MAP3K5: variants seen among roughly 807,000 people sequenced by gnomAD.
The protein encoded by MAP3K5 is mitogen-activated protein kinase kinase kinase 5, also known as ASK-1.
In MAP3K5, 56 loss-of-function variants were observed where a neutral mutation model predicts 158.7. The ratio of observed to expected loss-of-function variants is 0.35; its 90% CI spans 0.28 to 0.44. MAP3K5 has a LOEUF of 0.44. MAP3K5 is among the 20% of genes least tolerant of loss of function. The probability of loss-of-function intolerance (pLI) is 1.00; values close to 1 mark genes in which losing one functional copy is unlikely to be tolerated. For synonymous variants in MAP3K5, 579 were observed against 601.7 expected, an observed-to-expected ratio of 0.96 and a Z score of 0.55; for missense variants, 1,294 against 1,674.8, an observed-to-expected ratio of 0.77 and a Z score of 3.97.
At chr6:136,569,715 C>T (rs562134050) in intron 25 of MAP3K5, among the ~76,000 whole-genome samples, 22 of 152,256 alleles carry the variant, frequency 1.4e-4, no homozygotes, top group Admixed American at 5.9e-4. Context: ...TCAGGACCTC[C>T]GGAAGCTCTG....
intron 1 of MAP3K5, among the ~76,000 whole-genome samples, chr6:136,721,515 C>T (rs1053637125): frequency 4.6e-5 from 7 of 151,610 alleles, no homozygotes; most frequent in African/African-American, 1.2e-4. Flanking sequence ...GTCACAAAAA[C>T]GAAATTTAGA....
intron 17 of MAP3K5, among the ~76,000 whole-genome samples, 200 bp downstream of exon 17, chr6:136,612,920 T>C (rs1402784302): frequency 2.6e-5 from 4 of 152,198 alleles, no homozygotes; most frequent in Non-Finnish European, 4.4e-5. Context: ...AGTTAAGCAG[T>C]GTGTTCCTTG....
intron 1 of MAP3K5, among the ~76,000 whole-genome samples, chr6:136,761,720 G>A (rs2114971172): frequency 6.6e-6 from 1 of 152,306 alleles, no homozygotes. Flanking sequence ...ACCTCAAAAG[G>A]CTTTGCTGCT....
chr6:136,679,056 T>A (rs1265711654), intron 7 of MAP3K5, among the ~76,000 whole-genome samples: 7 of 152,230 alleles, frequency 4.6e-5, no homozygotes, highest in African/African-American at 1.7e-4. Context: ...CACTATTTAA[T>A]TCATTATTTC....
rs567569061 is a variant in MAP3K5, at chr6:136,772,291, A to G, written c.448+19419T>C. Among the ~76,000 whole-genome samples the G allele has an allele frequency of 6.6e-5, 10 of 152,292 alleles. No individual in the cohort carries two copies. The South Asian group carries it at 2.1e-3, about 32-fold the overall frequency. ...AGTAATTCTCTAGCATATTAAGTATATGAAATGTTTCTATGCAAATGTGTT... is the reference window on the plus strand; with the variant it reads ...AGTAATTCTCTAGCATATTAAGTATGTGAAATGTTTCTATGCAAATGTGTT... On this transcript the variant is annotated intron_variant, in intron 1 of 29. Coordinates refer to ENST00000359015, the MANE Select transcript of MAP3K5 (RefSeq NM_005923.4).
chr6:136,662,545 C>T (rs1779050123), intron 8 of MAP3K5, among the ~76,000 whole-genome samples: 1 of 151,900 alleles, frequency 6.6e-6, no homozygotes, highest in Non-Finnish European at 1.5e-5. Flanking sequence ...CTTTCTCTCC[C>T]TCTCTCTCTT....
At chr6:136,782,544 C>A (rs1784662102) in intron 1 of MAP3K5, among the ~76,000 whole-genome samples, 1 of 152,052 alleles carries the variant, frequency 6.6e-6, no homozygotes, top group South Asian at 2.1e-4. Flanking sequence ...TTGGAGATTG[C>A]CAGTACAAAG....
At chr6:136,720,737 T>A (rs976503854) in intron 1 of MAP3K5, 148 bp from the exon 2 acceptor site, 2 of 641,022 alleles carry the variant, frequency 3.1e-6, no homozygotes, top group Non-Finnish European at 5.2e-6. Flanking sequence ...AATTTTGAAT[T>A]TGCAGCTCTA....
At chr6:136,707,878 A>T (rs905450918) in intron 2 of MAP3K5, among the ~76,000 whole-genome samples, 2 of 152,266 alleles carry the variant, frequency 1.3e-5, no homozygotes, top group African/African-American at 4.8e-5. Context: ...ACACCCAAAC[A>T]AACAATGAAG....
intron 2 of MAP3K5, among the ~76,000 whole-genome samples, chr6:136,717,107 A>G (rs977108898): frequency 5.9e-5 from 9 of 152,196 alleles, no homozygotes; most frequent in South Asian, 2.1e-4. Flanking sequence ...AAAGCAAAAA[A>G]AAAAAGAAAA....
At chr6:136,642,427 G>A (rs1778024943) in intron 12 of MAP3K5, 93 bp downstream of exon 12, 1 of 886,354 alleles carries the variant, frequency 1.1e-6, no homozygotes. Flanking sequence ...GACATTCCTT[G>A]TATTTTAAAA....
At chr6:136,708,428 G>C (rs1781167337) in intron 2 of MAP3K5, among the ~76,000 whole-genome samples, 1 of 151,776 alleles carries the variant, frequency 6.6e-6, no homozygotes, top group Non-Finnish European at 1.5e-5. Context: ...GCTAATTTTT[G>C]TATTTTTAGT....
In MAP3K5 at chr6:136,582,269, T is replaced by TGTACAC. The variant is rs939244085; in HGVS notation, c.3411+1285_3411+1286insGTGTAC. Among the ~76,000 whole-genome samples the TGTACAC allele has an allele frequency of 1.1e-4, 12 of 111,752 alleles. No individual in the cohort carries two copies. In the East Asian group the frequency reaches 2.1e-3, roughly 19 times the overall value. The allele number at this position is 111,752 out of a possible 152,430, so 73.3% of individuals were successfully genotyped here. ...GTGTACACGTGTGTGTATACGTGTG[T>TGTACAC]GTGTGTGTGTGTGTGTGTGTGTGTG... On this transcript the variant is annotated intron_variant, in intron 24 of 29. Coordinates refer to ENST00000359015, the MANE Select transcript of MAP3K5 (RefSeq NM_005923.4).
rs557015425 is a variant in MAP3K5 at position 136,709,178 on chromosome 6, A to G, written c.589-4045T>C. On this transcript the variant is annotated intron_variant, in intron 2 of 29. Transcript: ENST00000359015. ...CTCGCGTGCAAAGACCATGTATTTT[A>G]TTCATATTTGTATCCTGACTGACTG... is the stretch of plus-strand genomic sequence containing the variant. 3.9e-5 allele frequency among the ~76,000 whole-genome samples: 6 copies of G among 152,332 alleles called. No individual in the cohort carries two copies. In the South Asian group the frequency reaches 1.2e-3, roughly 32 times the overall value.
chr6:136,731,715 C>T (rs540119522), intron 1 of MAP3K5, among the ~76,000 whole-genome samples: 13 of 152,154 alleles, frequency 8.5e-5, no homozygotes, highest in African/African-American at 3.1e-4. Context: ...TGCATGATAA[C>T]GAAGGTAAGT....
At chr6:136,750,229 G>A (rs947740466) in intron 1 of MAP3K5, among the ~76,000 whole-genome samples, 5 of 152,044 alleles carry the variant, frequency 3.3e-5, no homozygotes, top group South Asian at 2.1e-4. Context: ...AGGCGTGCAC[G>A]AGCACGCCTG....
At chr6:136,781,634 C>T (rs532338333) in intron 1 of MAP3K5, among the ~76,000 whole-genome samples, 3 of 152,264 alleles carry the variant, frequency 2.0e-5, no homozygotes, top group Middle Eastern at 3.4e-3. Flanking sequence ...ATTACACTGC[C>T]ATGCCTACTA....
chr6:136,601,925 T>C lies in MAP3K5; in HGVS notation c.2734A>G (p.Lys912Glu). The change falls in exon 20 of 30, where the codon AAG (lysine) becomes GAG (glutamate). Residue 912 changes from lysine (K) to glutamate (E), a missense_variant. Lys to Glu is a moderately conservative substitution (Grantham distance 56). Coordinates refer to ENST00000359015, the MANE Select transcript of MAP3K5 (RefSeq NM_005923.4). ...TCAAAACATTTCAGTATGAATGCCT[T>C]GGCCTCTGCAGACATGGACTCTGGG... ...EIPESMSAEA[K>E]AFILKCFEPD... is the part of the protein sequence containing the mutation. 6.2e-7 allele frequency: 1 copy of C among 1,614,230 alleles called. No homozygotes were observed.
intron 18 of MAP3K5, among the ~76,000 whole-genome samples, chr6:136,610,643 C>A (rs1583269714): frequency 2.2e-5 from 3 of 134,370 alleles, no homozygotes; most frequent in African/African-American, 2.8e-5. Context: ...GTAGGCCAAC[C>A]AGGAAAGAAG....
Sources: gnomAD v4.1 joint callset for allele counts (sites outside exome capture counted in the v4.1 genomes callset) on GRCh38, gnomAD v4.1.1 for gene constraint, MANE v1.5 for transcripts, NCBI Gene and HGNC (gene_info 2026-07-23, HGNC 2026-07-21) for gene names.